Variants in GRAMD1B observed in about 807,000 individuals in gnomAD.
GRAMD1B encodes GRAM domain containing 1B.
A neutral mutation model predicts 99.7 loss-of-function variants in GRAMD1B; 37 were observed. That is an observed-to-expected ratio of 0.37 (90% CI 0.29 to 0.49). The LOEUF (loss-of-function observed/expected upper bound fraction) is 0.49. Ranked by LOEUF, GRAMD1B falls within the 20% of genes least tolerant of loss-of-function variation. GRAMD1B has a pLI of 0.98. For missense variants in GRAMD1B, 888 were observed against 1,009.2 expected, an observed-to-expected ratio of 0.88 and a Z score of 1.63; for synonymous variants, 427 against 387.6, an observed-to-expected ratio of 1.10 and a Z score of -1.19.
chr11:123,565,722 T>G (rs1947291372), intron 2 of GRAMD1B, among the ~76,000 whole-genome samples: 1 of 152,096 alleles, frequency 6.6e-6, no homozygotes. Context: ...CTGCACCCAG[T>G]GGGAGGATGG....
At chr11:123,539,629 C>A (rs1259402737) in intron 2 of GRAMD1B, among the ~76,000 whole-genome samples, 1 of 151,932 alleles carries the variant, frequency 6.6e-6, no homozygotes, top group Non-Finnish European at 1.5e-5. Flanking sequence ...AAACCCAAAC[C>A]CTGAATTTGA....
intron 2 of GRAMD1B, among the ~76,000 whole-genome samples, chr11:123,567,719 G>A (rs850292): frequency 2.0e-5 from 3 of 152,292 alleles, no homozygotes; most frequent in South Asian, 2.1e-4. Flanking sequence ...CAGGCAGCAG[G>A]GGGGAGTGGG....
intron 17 of GRAMD1B, among the ~76,000 whole-genome samples, chr11:123,615,816 A>G (rs1286717171): frequency 6.6e-6 from 1 of 152,194 alleles, no homozygotes; most frequent in Admixed American, 6.5e-5. Context: ...ATAACATTAC[A>G]GCCTTGGTGT....
intron 1 of GRAMD1B, among the ~76,000 whole-genome samples, chr11:123,467,683 C>G (rs2134602433): frequency 6.6e-6 from 1 of 152,218 alleles, no homozygotes; most frequent in African/African-American, 2.4e-5. Context: ...ATGCCTAAAA[C>G]ATAGTTGGTG....
chr11:123,407,855 C>T (rs1947908033), intron 1 of GRAMD1B, among the ~76,000 whole-genome samples: 1 of 152,198 alleles, frequency 6.6e-6, no homozygotes. Flanking sequence ...AGCAAAGCCT[C>T]AGCTCCCCAG....
At chr11:123,585,364 C>T (rs1376854848) in intron 4 of GRAMD1B, among the ~76,000 whole-genome samples, 1 of 152,180 alleles carries the variant, frequency 6.6e-6, no homozygotes, top group African/African-American at 2.4e-5. Flanking sequence ...TGGGCGGTTC[C>T]TCAAAGTCAG....
chr11:123,599,699 C>G (rs1185390259), intron 7 of GRAMD1B, among the ~76,000 whole-genome samples: 6 of 152,226 alleles, frequency 3.9e-5, no homozygotes, highest in Non-Finnish European at 5.9e-5. Flanking sequence ...TCTCGAACTC[C>G]TGACCTCAGG....
intron 2 of GRAMD1B, among the ~76,000 whole-genome samples, chr11:123,493,312 C>T (rs527628726): frequency 1.3e-5 from 2 of 152,154 alleles, no homozygotes; most frequent in Non-Finnish European, 2.9e-5. Flanking sequence ...AAGAAAGGCA[C>T]TTAGCACTGT....
chr11:123,426,441 G>C (rs982064020), upstream of GRAMD1B, among the ~76,000 whole-genome samples: 2 of 152,170 alleles, frequency 1.3e-5, no homozygotes, highest in African/African-American at 2.4e-5. Context: ...GTGAAATCTG[G>C]CCATCCTTCA....
intron 1 of GRAMD1B, among the ~76,000 whole-genome samples, chr11:123,477,499 C>T (rs373786408): frequency 4.6e-5 from 7 of 151,662 alleles, no homozygotes; most frequent in Non-Finnish European, 8.8e-5. Context: ...TTTCAGTCAT[C>T]GGTGCCAAGG....
At chr11:123,358,958 T>C (rs1345043168) in intron 1 of GRAMD1B, among the ~76,000 whole-genome samples, 3 of 152,130 alleles carry the variant, frequency 2.0e-5, no homozygotes, top group Non-Finnish European at 4.4e-5. Flanking sequence ...CAAAGTTACC[T>C]GAGGGCCAGG....
intron 3 of GRAMD1B, among the ~76,000 whole-genome samples, chr11:123,582,703 G>A (rs1949500155): frequency 6.6e-6 from 1 of 152,220 alleles, no homozygotes; most frequent in African/African-American, 2.4e-5. Context: ...TCTTTACAGA[G>A]TTCAGGTGGA....
rs375840509 is a variant in GRAMD1B, at chr11:123,609,773, C to T, written c.1658-22C>T. On this transcript the variant is annotated intron_variant, in intron 12 of 19. Transcript: ENST00000635736. ...GGGCTCTGCCCTCCCTTCCTCATTCCAGGGCTCTCCTCTACCCTTAGATAT... is the reference window on the plus strand; with the variant it reads ...GGGCTCTGCCCTCCCTTCCTCATTCTAGGGCTCTCCTCTACCCTTAGATAT... 4 of 1,356,040 alleles carry T rather than the reference C, an allele frequency of 2.9e-6. No individual in the cohort carries two copies. The African/African-American group carries it at 5.8e-5, about 19-fold the overall frequency. The allele number at this position is 1,356,040 out of a possible 1,614,324, so 84.0% of individuals were successfully genotyped here.
At position 123,594,766 on chromosome 11, in the gene GRAMD1B, C is replaced by T. The variant is rs1001363011; in HGVS notation, c.801C>T (p.Leu267=). Residue 267 remains leucine, a synonymous_variant, in exon 6 of 20, where the codon CTC becomes CTT. Coordinates refer to ENST00000635736, the MANE Select transcript of GRAMD1B (RefSeq NM_001387025.1). ...DYSCALQRDI[L]LQGRLYLSEN... ...CATGTGCACTCCAAAGAGACATTCT[C>T]CTTCAGGGCCGACTCTACCTCTCTG... 35 of 1,601,868 alleles carry T rather than the reference C, an allele frequency of 2.2e-5. No individual in the cohort carries two copies. Among genetic ancestry groups the T allele is most frequent in the Non-Finnish European group, 3.0e-5 (35 of 1,168,966 alleles).
rs374750735 is a variant in GRAMD1B, at chr11:123,526,186, G to T, written c.452+45293G>T. On this transcript the variant is annotated intron_variant, in intron 2 of 19. Coordinates refer to ENST00000635736, the MANE Select transcript of GRAMD1B (RefSeq NM_001387025.1). ...AAGCTCTCCTGGTAAGTAGAGGAGG[G>T]ATAGGGCACCTTCCTCTTCTGCCTT... 4 of 1,609,434 alleles carry T rather than the reference G, an allele frequency of 2.5e-6. No individual in the cohort carries two copies. The African/African-American group carries it at 4.0e-5, about 16-fold the overall frequency.
Position 123,417,395 on chromosome 11 carries a change from G to C in GRAMD1B, c.-176+58596G>C, listed in dbSNP as rs527411697. ...TTCAAAGAAAAAAGAAAAAAAGAAT[G>C]TGTAATGGTATTTTGTACAGGCACA... On this transcript the variant is annotated intron_variant, in intron 1 of 20. Transcript: ENST00000638157. 2.0e-5 allele frequency among the ~76,000 whole-genome samples: 3 copies of C among 152,178 alleles called. No individual in the cohort carries two copies. In the East Asian group the frequency reaches 5.8e-4, roughly 29 times the overall value.
chr11:123,415,101 T>C (rs1443466181), intron 1 of GRAMD1B, among the ~76,000 whole-genome samples: 19 of 128,406 alleles, frequency 1.5e-4, no homozygotes, highest in South Asian at 2.9e-4. Context: ...CTTTCTTTTT[T>C]TTTTTTTTTT....
chr11:123,419,419 C>A (rs1385248037), intron 1 of GRAMD1B, among the ~76,000 whole-genome samples: 1 of 152,106 alleles, frequency 6.6e-6, no homozygotes, highest in African/African-American at 2.4e-5. Flanking sequence ...TGCTTGGGAC[C>A]AGGAGTTCAA....
intron 17 of GRAMD1B, chr11:123,618,267 G>A: frequency 8.2e-7 from 1 of 1,212,606 alleles, no homozygotes; most frequent in Non-Finnish European, 1.2e-6. Flanking sequence ...TTGATTTTCA[G>A]TGCAGGTTTC....
Sources: gnomAD v4.1 joint callset for allele counts (sites outside exome capture counted in the v4.1 genomes callset) on GRCh38, gnomAD v4.1.1 for gene constraint, MANE v1.5 for transcripts, NCBI Gene and HGNC (gene_info 2026-07-23, HGNC 2026-07-21) for gene names.